The following DNAH9 variants were observed in gnomAD, a reference collection of about 807,000 sequenced individuals.
DNAH9 encodes the protein DNAH9 variant protein.
A neutral mutation model predicts 471.6 loss-of-function variants in DNAH9; 345 were observed. The observed-to-expected ratio is 0.73, with a 90% CI of 0.67 to 0.80. The LOEUF (loss-of-function observed/expected upper bound fraction) is 0.80, where lower values mean the gene tolerates loss of function less well. DNAH9 is among the 30% of genes least tolerant of loss of function. The pLI is 0.00. For missense variants in DNAH9, 5,407 were observed against 5,609.2 expected (o/e 0.96, Z 1.15); for synonymous variants, 2,093 against 2,123.6 (o/e 0.99, Z 0.40).
intron 28 of DNAH9, among the ~76,000 whole-genome samples, chr17:11,735,132 TCA>T (rs2075324585): frequency 6.6e-6 from 1 of 152,194 alleles, no homozygotes; most frequent in African/African-American, 2.4e-5. Context: ...CTTCTCAGCC[TCA>T]GAGTCCTCAC....
At chr17:11,784,631 A>G (rs973334000) in intron 41 of DNAH9, 92 bp downstream of exon 41, 100 of 1,557,254 alleles carry the variant, frequency 6.4e-5, no homozygotes, top group Non-Finnish European at 8.1e-5. Context: ...TGCCCAGCTC[A>G]TAGGCACAGG....
At position 11,828,186 on chromosome 17, in the gene DNAH9, AT is replaced by A. The variant is rs535750151; in HGVS notation, c.9246+5153del. ...CCAGAGTGGTCAATTTAGAACATAA[AT>A]CAGAGGCTGGGTGCGGTGGCTCACA... is the stretch of plus-strand genomic sequence containing the variant. On this transcript the variant is annotated intron_variant, in intron 48 of 68. Transcript: ENST00000262442. Among the ~76,000 whole-genome samples the A allele has an allele frequency of 2.4e-4, 37 of 152,244 alleles. No individual in the cohort carries two copies. In the South Asian group the frequency reaches 6.0e-3, roughly 25 times the overall value.
intron 54 of DNAH9, among the ~76,000 whole-genome samples, chr17:11,880,757 T>C (rs984881036): frequency 3.3e-5 from 5 of 152,162 alleles, no homozygotes; most frequent in Admixed American, 2.6e-4. Flanking sequence ...GGGCCATCGT[T>C]GCCTTTACTG....
In DNAH9 at chr17:11,699,896, C is replaced by A; in HGVS notation, c.5025+13C>A. ...CTGCAGCGGGCAGGTAACACAGTAG[C>A]CCTTTCCCCTCCTTCTGCTTTTCTC... On this transcript the variant is annotated intron_variant, in intron 23 of 68. Transcript: ENST00000262442. The A allele has an allele frequency of 6.2e-7, 1 of 1,613,334 alleles. No homozygotes were observed. Among genetic ancestry groups the A allele is most frequent in the Non-Finnish European group, 8.5e-7 (1 of 1,179,400 alleles).
rs747609704 is a variant in DNAH9 at position 11,763,558 on chromosome 17, C to G, written c.7114C>G (p.His2372Asp). 1.5e-5 allele frequency: 25 copies of G among 1,613,952 alleles called. No homozygotes were observed. The highest frequency in any genetic ancestry group is 1.8e-5 in the Non-Finnish European group (21 of 1,180,010). ...AGACTGCCCTAAGGAAATTTATGAG[C>G]ATTATTTTGTGTTTGCTGCCATCTG... is the stretch of plus-strand genomic sequence containing the variant. ...PADCPKEIYEHYFVFAAIWAF... is the reference protein window; with the variant it reads ...PADCPKEIYEDYFVFAAIWAF... Residue 2372 changes from histidine to aspartate, a missense_variant, in exon 36 of 69, where the codon CAT (histidine) becomes GAT (aspartate). By Grantham distance (81) the His-to-Asp change is moderately conservative. Around this residue, in one of 3 missense-constraint regions of DNAH9, gnomAD observed 4,636 missense variants for 4,900.3 expected, o/e 0.95. Transcript: ENST00000262442.
At chr17:11,825,445 T>C (rs994602475) in intron 48 of DNAH9, among the ~76,000 whole-genome samples, 29 of 152,214 alleles carry the variant, frequency 1.9e-4, no homozygotes, top group African/African-American at 6.3e-4. Flanking sequence ...AAGTAAGGGA[T>C]AGGAAAAATA....
intron 26 of DNAH9, among the ~76,000 whole-genome samples, chr17:11,717,268 C>T (rs1209060654): frequency 6.6e-6 from 1 of 152,080 alleles, no homozygotes; most frequent in Non-Finnish European, 1.5e-5. Context: ...CACAATGGCT[C>T]ACACCTATAA....
intron 49 of DNAH9, among the ~76,000 whole-genome samples, chr17:11,843,118 C>T (rs902798085): frequency 3.9e-5 from 6 of 152,144 alleles, no homozygotes; most frequent in South Asian, 2.1e-4. Context: ...CTGTCATTAA[C>T]GTAGAGAAAG....
intron 56 of DNAH9, among the ~76,000 whole-genome samples, chr17:11,885,043 C>G (rs1972838505): frequency 6.6e-6 from 1 of 152,088 alleles, no homozygotes; most frequent in Non-Finnish European, 1.5e-5. Flanking sequence ...TCTTCTCTCT[C>G]TTTCTCATTT....
In DNAH9 at chr17:11,610,670, C is replaced by T. The variant is rs1215164825; in HGVS notation, c.773+116C>T. The T allele has an allele frequency of 3.2e-6, 3 of 934,426 alleles. No individual in the cohort carries two copies. The East Asian group carries it at 7.9e-5, about 25-fold the overall frequency. 57.9% of individuals were successfully genotyped at this position (934,426 alleles called of 1,614,324 possible). Reference sequence around the variant, plus strand: ...CCTATTCTTCCCTATAGGTATTTCACATCATCAGTGGGGTAGACAGCTCTG... The same window carrying T: ...CCTATTCTTCCCTATAGGTATTTCATATCATCAGTGGGGTAGACAGCTCTG... On this transcript the variant is annotated intron_variant, in intron 3 of 68. Transcript: ENST00000262442.
chr17:11,875,406 C>T lies in DNAH9; in HGVS notation c.10478+222C>T, dbSNP rs111768687. Reference sequence around the variant, plus strand: ...TGAGAAATTATGTACCACAACCTCTCGACCCATTCTGGGGTCCTTTCTTCA... The same window carrying T: ...TGAGAAATTATGTACCACAACCTCTTGACCCATTCTGGGGTCCTTTCTTCA... On this transcript the variant is annotated intron_variant, in intron 53 of 68. Coordinates refer to ENST00000262442, the MANE Select transcript of DNAH9 (RefSeq NM_001372.4). Among the ~76,000 whole-genome samples the T allele has an allele frequency of 6.1e-3, 934 of 152,298 alleles. 13 individuals carry two copies. The highest frequency in any genetic ancestry group is 0.021 in the African/African-American group (858 of 41,556).
intron 39 of DNAH9, among the ~76,000 whole-genome samples, 161 bp from the exon 40 acceptor site, chr17:11,783,485 C>T (rs1436598201): frequency 1.3e-5 from 2 of 152,236 alleles, no homozygotes; most frequent in Admixed American, 1.3e-4. Context: ...CCTTGGGAAT[C>T]TGTCTTATGC....
At chr17:11,609,769 T>G (rs929886660) in intron 2 of DNAH9, among the ~76,000 whole-genome samples, 7 of 152,194 alleles carry the variant, frequency 4.6e-5, no homozygotes, top group Non-Finnish European at 8.8e-5. Context: ...GGGGAAAAGT[T>G]TGGGAATTCT....
intron 19 of DNAH9, among the ~76,000 whole-genome samples, chr17:11,681,263 A>T (rs1724474085): frequency 6.6e-6 from 1 of 152,214 alleles, no homozygotes; most frequent in Admixed American, 6.5e-5. Flanking sequence ...TTGAATTTTT[A>T]AAATTTTACA....
intron 10 of DNAH9, among the ~76,000 whole-genome samples, chr17:11,642,853 G>T (rs2073303984): frequency 6.6e-6 from 1 of 152,150 alleles, no homozygotes; most frequent in Admixed American, 6.5e-5. Flanking sequence ...CTTGCTGCCT[G>T]GCAGATGCAT....
intron 15 of DNAH9, among the ~76,000 whole-genome samples, chr17:11,667,439 T>C (rs1047379342): frequency 1.3e-5 from 2 of 152,198 alleles, no homozygotes; most frequent in African/African-American, 4.8e-5. Context: ...ATATTGGGAC[T>C]GTCCTGAGTC....
At chr17:11,801,626 G>A (rs1455393233) in intron 43 of DNAH9, among the ~76,000 whole-genome samples, 9 of 152,100 alleles carry the variant, frequency 5.9e-5, no homozygotes, top group African/African-American at 1.7e-4. Context: ...GGGAGGCAGC[G>A]GTTGCAGTGA....
intron 1 of DNAH9, among the ~76,000 whole-genome samples, chr17:11,603,281 T>C (rs1474486058): frequency 2.0e-5 from 3 of 152,244 alleles, no homozygotes; most frequent in Non-Finnish European, 4.4e-5. Context: ...GATCACTATT[T>C]CCCAACGTGA....
chr17:11,733,494 C>T lies in DNAH9; in HGVS notation c.5815-5386C>T, dbSNP rs191462707. Among the ~76,000 whole-genome samples, 3 of 152,304 alleles carry T rather than the reference C, an allele frequency of 2.0e-5. No homozygotes were observed. The East Asian group carries it at 5.8e-4, about 29-fold the overall frequency. The stretch of plus-strand genomic sequence containing the variant: ...AATGCAGCTCTTATGGTCAGACGGG[C>T]ACACAAGGCTTGTGCAGATAACAAG... On this transcript the variant is annotated intron_variant, in intron 28 of 68. Coordinates refer to ENST00000262442, the MANE Select transcript of DNAH9 (RefSeq NM_001372.4).
Sources: allele counts gnomAD v4.1 joint callset (sites outside exome capture counted in the v4.1 genomes callset), GRCh38; gene constraint gnomAD v4.1.1; regional missense constraint gnomAD v4.1.1; transcripts MANE v1.5; gene names NCBI Gene and HGNC (gene_info 2026-07-23, HGNC 2026-07-21).